The following DLGAP2 variants were observed in gnomAD, a reference collection of about 807,000 sequenced individuals.
DLGAP2 encodes disks large-associated protein 2.
In DLGAP2, 26 loss-of-function variants were observed where a neutral mutation model predicts 100.3. The ratio of observed to expected loss-of-function variants is 0.26; its 90% CI spans 0.19 to 0.36. The LOEUF is 0.36. Among genes scored for constraint, DLGAP2 ranks in the 10% least tolerant of loss-of-function variants. The pLI is 1.00. For missense variants in DLGAP2, 1,858 were observed against 1,453.2 expected (o/e 1.28, Z -4.53); for synonymous variants, 886 against 630.1 (o/e 1.41, Z -6.08).
intron 4 of DLGAP2, among the ~76,000 whole-genome samples, chr8:1,504,763 G>T (rs1799848212): frequency 6.7e-6 from 1 of 149,750 alleles, no homozygotes; most frequent in African/African-American, 2.6e-5. Context: ...CATTTTCTTT[G>T]TCTGTGCCTC....
chr8:1,698,543 G>A (rs1457936880), intron 14 of DLGAP2, among the ~76,000 whole-genome samples: 4 of 143,166 alleles, frequency 2.8e-5, no homozygotes, highest in Non-Finnish European at 4.5e-5. Context: ...GCCATGCATG[G>A]GACTAGACAG....
intron 6 of DLGAP2, among the ~76,000 whole-genome samples, chr8:1,599,824 C>T (rs1451091423): frequency 6.6e-6 from 1 of 152,074 alleles, no homozygotes; most frequent in Non-Finnish European, 1.5e-5. Context: ...TGACTGTATC[C>T]AATTTGCCAG....
intron 1 of DLGAP2, among the ~76,000 whole-genome samples, chr8:906,140 A>T (rs1335943948): frequency 6.6e-6 from 1 of 152,214 alleles, no homozygotes; most frequent in Admixed American, 6.5e-5. Flanking sequence ...CACCCAGCAG[A>T]GCAGCTTGTG....
At chr8:1,186,502 A>G (rs879434591) in intron 2 of DLGAP2, among the ~76,000 whole-genome samples, 2 of 152,172 alleles carry the variant, frequency 1.3e-5, no homozygotes, top group Admixed American at 6.5e-5. Context: ...GCTGTCAGTG[A>G]CTGCAGTGAC....
intron 3 of DLGAP2, among the ~76,000 whole-genome samples, chr8:1,268,765 C>A (rs370369962): frequency 1.3e-5 from 2 of 152,192 alleles, no homozygotes; most frequent in African/African-American, 2.4e-5. Flanking sequence ...AAACATTTCC[C>A]AATTATGCAC....
chr8:1,457,602 A>T (rs1798350095), intron 3 of DLGAP2, among the ~76,000 whole-genome samples: 1 of 152,164 alleles, frequency 6.6e-6, no homozygotes. Flanking sequence ...TTTTGAAATA[A>T]ACTGATATCT....
rs182147933 is a variant in DLGAP2 at position 1,294,582 on chromosome 8, T to G, written c.106+35699T>G. The stretch of plus-strand genomic sequence containing the variant: ...CGTCCCACCTGTGTCGTGGCATCAC[T>G]GGGTCAATGTCGAATTGGAATTTTA... On this transcript the variant is annotated intron_variant, in intron 3 of 14. Coordinates refer to ENST00000637795, the MANE Select transcript of DLGAP2 (RefSeq NM_001346810.2). Among the ~76,000 whole-genome samples, 12 of 152,364 alleles carry G rather than the reference T, an allele frequency of 7.9e-5. No individual in the cohort carries two copies. The East Asian group carries it at 2.3e-3, about 29-fold the overall frequency.
intron 8 of DLGAP2, among the ~76,000 whole-genome samples, chr8:1,641,125 C>G (rs1213125929): frequency 2.6e-5 from 4 of 152,148 alleles, no homozygotes; most frequent in African/African-American, 4.8e-5. Context: ...AGGAGTGGAA[C>G]CAGCTCCCAG....
At chr8:1,137,049 G>T (rs1796429461) in intron 2 of DLGAP2, among the ~76,000 whole-genome samples, 2 of 152,302 alleles carry the variant, frequency 1.3e-5, no homozygotes, top group South Asian at 4.1e-4. Flanking sequence ...AGGAACTTAT[G>T]TTCTTGCAGT....
At chr8:1,333,445 T>C (rs1005878475) in intron 3 of DLGAP2, among the ~76,000 whole-genome samples, 3 of 152,160 alleles carry the variant, frequency 2.0e-5, no homozygotes, top group Non-Finnish European at 4.4e-5. Flanking sequence ...TCCCTGACAC[T>C]TTCCCATCCC....
intron 4 of DLGAP2, among the ~76,000 whole-genome samples, chr8:1,539,175 G>A (rs770124265): frequency 1.3e-5 from 2 of 152,062 alleles, no homozygotes; most frequent in Non-Finnish European, 2.9e-5. Flanking sequence ...CATGAGCCAC[G>A]GCACCTGGCC....
chr8:1,694,350 G>T (rs536133412), intron 13 of DLGAP2, among the ~76,000 whole-genome samples: 3 of 152,276 alleles, frequency 2.0e-5, no homozygotes, highest in Middle Eastern at 3.4e-3. Flanking sequence ...GCTGGAAGTT[G>T]TTGGTAGGTA....
chr8:1,132,024 C>A (rs1796305090), intron 2 of DLGAP2, among the ~76,000 whole-genome samples: 1 of 152,174 alleles, frequency 6.6e-6, no homozygotes, highest in South Asian at 2.1e-4. Flanking sequence ...TAACTGTCAG[C>A]ACAGACTAGA....
rs575332991 is a variant in DLGAP2 at position 1,091,264 on chromosome 8, C to T, written c.74-167587C>T. Among the ~76,000 whole-genome samples, 8 of 152,294 alleles carry T rather than the reference C, an allele frequency of 5.3e-5. No individual in the cohort carries two copies. The East Asian group carries it at 7.7e-4, about 15-fold the overall frequency. On this transcript the variant is annotated intron_variant, in intron 2 of 14. Coordinates refer to ENST00000637795, the MANE Select transcript of DLGAP2 (RefSeq NM_001346810.2). ...CCACTGAAATTCCAGAGCGGATACT[C>T]GAAGGTGAGGCCTGTGAGGATTAAA...
At chr8:1,320,819 A>C (rs6992881) in intron 3 of DLGAP2, among the ~76,000 whole-genome samples, 1 of 152,040 alleles carries the variant, frequency 6.6e-6, no homozygotes, top group African/African-American at 2.4e-5. Flanking sequence ...AGGTGCTGCC[A>C]CCTGTGTGTG....
intron 6 of DLGAP2, among the ~76,000 whole-genome samples, chr8:1,623,325 G>C (rs950557080): frequency 6.6e-6 from 1 of 151,892 alleles, no homozygotes; most frequent in African/African-American, 2.4e-5. Flanking sequence ...ACCAGTGTGT[G>C]ATGACCTGGC....
rs186268700 is a variant in DLGAP2 at position 1,187,308 on chromosome 8, C to T, written c.74-71543C>T. Among the ~76,000 whole-genome samples, 333 of 150,526 alleles carry T rather than the reference C, an allele frequency of 2.2e-3. 6 individuals carry two copies. Among genetic ancestry groups the T allele is most frequent in the Admixed American group, 0.02 (299 of 15,160 alleles). On this transcript the variant is annotated intron_variant, in intron 2 of 14. Transcript: ENST00000637795. ...TCATGGAATCTCACATGCCCGGGACCTCTGTGACATTTCCCTCACACGCCC... is the reference window on the plus strand; with the variant it reads ...TCATGGAATCTCACATGCCCGGGACTTCTGTGACATTTCCCTCACACGCCC...
chr8:1,693,014 T>G (rs1799292554), intron 13 of DLGAP2, among the ~76,000 whole-genome samples: 2 of 148,288 alleles, frequency 1.3e-5, no homozygotes, highest in African/African-American at 4.9e-5. Context: ...ATCATATGCA[T>G]CTATATGTTT....
rs756203741 is a variant in DLGAP2 at position 1,501,452 on chromosome 8, C to T, written c.172+21C>T. 3.9e-6 allele frequency: 6 copies of T among 1,535,234 alleles called. No individual in the cohort carries two copies. In the South Asian group the frequency reaches 7.1e-5, roughly 18 times the overall value. The stretch of plus-strand genomic sequence containing the variant: ...TCTAGGTAGAGTACAGACGTCAGCC[C>T]CGCTCTGGCGGGGCCCGGACAGAAC... On this transcript the variant is annotated intron_variant, in intron 4 of 14. Coordinates refer to ENST00000637795, the MANE Select transcript of DLGAP2 (RefSeq NM_001346810.2).
Sources: gnomAD v4.1 joint callset for allele counts (sites outside exome capture counted in the v4.1 genomes callset) on GRCh38, gnomAD v4.1.1 for gene constraint, MANE v1.5 for transcripts, NCBI Gene and HGNC (gene_info 2026-07-23, HGNC 2026-07-21) for gene names.